The following ZFYVE28 variants were observed in gnomAD, a reference collection of about 807,000 sequenced individuals.
The protein encoded by ZFYVE28 is zinc finger FYVE-type containing 28, also known as lateral signaling target protein 2 homolog.
ZFYVE28 carries 40 observed loss-of-function variants against 82.1 expected under a neutral mutation model. That is an observed-to-expected ratio of 0.49 (90% CI 0.38 to 0.63). The LOEUF is 0.63. Among genes scored for constraint, ZFYVE28 ranks in the 30% least tolerant of loss-of-function variants. The pLI is 0.00. For synonymous variants in ZFYVE28, 612 were observed against 546.1 expected, an observed-to-expected ratio of 1.12 and a Z score of -1.68; for missense variants, 1,321 against 1,242.1, an observed-to-expected ratio of 1.06 and a Z score of -0.96.
chr4:2,351,582 C>T (rs3135134), intron 2 of ZFYVE28, among the ~76,000 whole-genome samples: 37,826 of 151,982 alleles, frequency 0.25, 5,048 homozygotes, highest in Middle Eastern at 0.36. Context: ...GGCATGGTGG[C>T]GCATGCCTGT....
At chr4:2,382,999 A>C (rs533985622) in intron 1 of ZFYVE28, among the ~76,000 whole-genome samples, 1 of 152,220 alleles carries the variant, frequency 6.6e-6, no homozygotes, top group South Asian at 2.1e-4. Context: ...GCCAGCCCCC[A>C]TGATTCAGTT....
chr4:2,329,993 A>C (rs1320312461), intron 6 of ZFYVE28, among the ~76,000 whole-genome samples: 1 of 152,248 alleles, frequency 6.6e-6, no homozygotes, highest in Admixed American at 6.5e-5. Context: ...CGTGAATAAG[A>C]GTTATAGTCT....
intron 7 of ZFYVE28, among the ~76,000 whole-genome samples, chr4:2,309,863 G>T (rs1717231102): frequency 1.3e-5 from 2 of 151,978 alleles, no homozygotes; most frequent in Admixed American, 1.3e-4. Flanking sequence ...TTCTTGTTCT[G>T]TTTTGTTTAT....
At chr4:2,392,226 G>C (rs908799650) in intron 1 of ZFYVE28, among the ~76,000 whole-genome samples, 1 of 152,012 alleles carries the variant, frequency 6.6e-6, no homozygotes, top group Admixed American at 6.6e-5. Context: ...TATGGCCTGG[G>C]GGAATAAAGC....
chr4:2,402,158 C>G (rs1294656267), intron 1 of ZFYVE28, among the ~76,000 whole-genome samples: 2 of 152,220 alleles, frequency 1.3e-5, no homozygotes, highest in Non-Finnish European at 2.9e-5. Flanking sequence ...GCATGGAGCT[C>G]TGCTGCCACC....
intron 8 of ZFYVE28, among the ~76,000 whole-genome samples, chr4:2,284,383 C>T (rs943197203): frequency 1.3e-5 from 2 of 152,176 alleles, no homozygotes; most frequent in Non-Finnish European, 2.9e-5. Context: ...CACCGTGGCT[C>T]GCCTGGGGCT....
chr4:2,281,773 T>A (rs1439855027), intron 8 of ZFYVE28, among the ~76,000 whole-genome samples: 1 of 152,146 alleles, frequency 6.6e-6, no homozygotes, highest in Non-Finnish European at 1.5e-5. Context: ...TGGAAGGGTG[T>A]TTATCCCCTG....
intron 1 of ZFYVE28, among the ~76,000 whole-genome samples, chr4:2,411,181 C>T (rs747830786): frequency 2.6e-5 from 4 of 152,174 alleles, no homozygotes; most frequent in African/African-American, 4.8e-5. Flanking sequence ...CTTAGAGAGC[C>T]AGCCATGCAG....
chr4:2,360,404 C>CACACAT (rs1725971207), intron 1 of ZFYVE28, among the ~76,000 whole-genome samples: 1 of 151,530 alleles, frequency 6.6e-6, no homozygotes, highest in East Asian at 1.9e-4. Flanking sequence ...CACACACACA[C>CACACAT]ACACACACAC....
intron 1 of ZFYVE28, among the ~76,000 whole-genome samples, chr4:2,393,884 C>T (rs575517523): frequency 1.4e-4 from 22 of 152,304 alleles, no homozygotes; most frequent in Admixed American, 7.8e-4. Context: ...ACAAACTCCA[C>T]GGCTTAAGAT....
chr4:2,273,918 A>G, intron 9 of ZFYVE28, 144 bp downstream of exon 9: 1 of 908,630 alleles, frequency 1.1e-6, no homozygotes, highest in South Asian at 1.6e-5. Context: ...CTCCATGAAC[A>G]GGAGTGCTGG....
intron 6 of ZFYVE28, chr4:2,330,932 C>G: frequency 6.5e-7 from 1 of 1,534,710 alleles, no homozygotes; most frequent in African/African-American, 1.4e-5. Context: ...AGAGATGACA[C>G]CTTGTTTTGA....
intron 1 of ZFYVE28, among the ~76,000 whole-genome samples, chr4:2,382,755 G>A (rs943876082): frequency 6.6e-6 from 1 of 152,170 alleles, no homozygotes; most frequent in African/African-American, 2.4e-5. Context: ...GACTGTATTA[G>A]TCCATTTTTA....
intron 1 of ZFYVE28, among the ~76,000 whole-genome samples, chr4:2,385,438 CTG>C (rs943275658): frequency 1.3e-5 from 2 of 152,216 alleles, no homozygotes; most frequent in Non-Finnish European, 2.9e-5. Flanking sequence ...TACAGAGCTG[CTG>C]TCTCCTGACC....
chr4:2,301,360 T>C (rs1034611457), intron 8 of ZFYVE28, among the ~76,000 whole-genome samples: 5 of 152,190 alleles, frequency 3.3e-5, no homozygotes, highest in Non-Finnish European at 5.9e-5. Flanking sequence ...CCGGGCACAG[T>C]GCTGGGCCCA....
intron 5 of ZFYVE28, 132 bp downstream of exon 5, chr4:2,337,275 G>T: frequency 1.4e-6 from 1 of 713,644 alleles, no homozygotes; most frequent in Non-Finnish European, 2.3e-6. Context: ...GGGAAGACAC[G>T]TCTGGTGCCT....
chr4:2,385,243 G>A (rs1405953988), intron 1 of ZFYVE28, among the ~76,000 whole-genome samples: 1 of 152,222 alleles, frequency 6.6e-6, no homozygotes, highest in African/African-American at 2.4e-5. Flanking sequence ...GCACAGTGAT[G>A]ACCCTGGCCT....
intron 1 of ZFYVE28, among the ~76,000 whole-genome samples, chr4:2,397,981 T>C (rs1402558685): frequency 8.5e-6 from 1 of 117,830 alleles, no homozygotes; most frequent in Non-Finnish European, 1.6e-5. Flanking sequence ...CAGGCACCCA[T>C]AGAAACAGAG....
Position 2,304,766 on chromosome 4 carries a change from G to C in ZFYVE28, c.1574C>G (p.Thr525Ser), listed in dbSNP as rs776209104. Residue 525 changes from threonine to serine, a missense_variant, in exon 8 of 13, where the codon ACT (threonine) becomes AGT (serine). This residue lies in a region of ZFYVE28 where 978 missense variants were observed against 833.7 expected (regional missense o/e 1.17). Coordinates refer to ENST00000290974, the MANE Select transcript of ZFYVE28 (RefSeq NM_020972.3). Reference protein sequence around the residue: ...ATVIFNPKSPTSLDSAVATQE... With the variant: ...ATVIFNPKSPSSLDSAVATQE... ...GGTGGCGACCGCAGAGTCCAGGGAA[G>C]TGGGCGATTTGGGGTTGAAGATGAC... is the stretch of plus-strand genomic sequence containing the variant. 6.2e-7 allele frequency: 1 copy of C among 1,612,678 alleles called. No individual in the cohort carries two copies. The highest frequency in any genetic ancestry group is 1.1e-5 in the South Asian group (1 of 91,078).
Sources: gnomAD v4.1 joint callset for allele counts (sites outside exome capture counted in the v4.1 genomes callset) on GRCh38, gnomAD v4.1.1 for gene constraint, gnomAD v4.1.1 regional missense constraint, MANE v1.5 for transcripts, NCBI Gene and HGNC (gene_info 2026-07-23, HGNC 2026-07-21) for gene names.